Variants in KSR2 observed in about 807,000 individuals in gnomAD.
KSR2 encodes the protein kinase suppressor of ras 2.
A neutral mutation model predicts 107.8 loss-of-function variants in KSR2; 25 were observed. That is an observed-to-expected ratio of 0.23 (90% CI 0.17 to 0.32). KSR2 has a LOEUF of 0.32. KSR2 is among the 10% of genes least tolerant of loss of function. The pLI is 1.00. For synonymous variants in KSR2, 480 were observed against 507.0 expected (o/e 0.95, Z 0.71); for missense variants, 887 against 1,268.9 (o/e 0.70, Z 4.57).
chr12:117,848,834 A>AGTGGTGGTG lies in KSR2; in HGVS notation c.472+6585_472+6593dup, dbSNP rs71099082. Among the ~76,000 whole-genome samples the AGTGGTGGTG allele has an allele frequency of 4.5e-3, 606 of 133,820 alleles. 5 individuals carry two copies. The highest frequency in any genetic ancestry group is 7.6e-3 in the Non-Finnish European group (454 of 59,744). The allele number at this position is 133,820 out of a possible 152,430, so 87.8% of individuals were successfully genotyped here. Reference sequence around the variant, plus strand: ...GATGGTGGTGGGTGGTGATGGTGGTAGTGGTGGTGATGGTGATGATGGTGA... The same window carrying AGTGGTGGTG: ...GATGGTGGTGGGTGGTGATGGTGGTAGTGGTGGTGGTGGTGGTGATGGTGATGATGGTGA... On this transcript the variant is annotated intron_variant, in intron 3 of 19. Coordinates refer to ENST00000339824, the MANE Select transcript of KSR2 (RefSeq NM_173598.6).
chr12:117,520,889 C>A (rs816193), intron 14 of KSR2, among the ~76,000 whole-genome samples: 1 of 151,932 alleles, frequency 6.6e-6, no homozygotes, highest in Admixed American at 6.6e-5. Context: ...CACAACTTGA[C>A]GCTTAGTGCT....
At chr12:117,763,617 A>G (rs1484615264) in intron 3 of KSR2, among the ~76,000 whole-genome samples, 1 of 152,192 alleles carries the variant, frequency 6.6e-6, no homozygotes, top group Non-Finnish European at 1.5e-5. Context: ...GTGACACTCA[A>G]GGAGAGGCTG....
intron 3 of KSR2, among the ~76,000 whole-genome samples, chr12:117,854,633 A>G (rs1048560646): frequency 8.5e-5 from 13 of 152,226 alleles, no homozygotes; most frequent in African/African-American, 2.7e-4. Flanking sequence ...GCTGATGGCC[A>G]CTAACACTTC....
chr12:117,634,910 C>G (rs1343036007), intron 5 of KSR2, among the ~76,000 whole-genome samples: 5 of 152,112 alleles, frequency 3.3e-5, no homozygotes. Flanking sequence ...CAGCCTAAGC[C>G]CACCCAGCAG....
At chr12:117,721,881 C>A (rs1209737107) in intron 4 of KSR2, among the ~76,000 whole-genome samples, 1 of 152,100 alleles carries the variant, frequency 6.6e-6, no homozygotes, top group East Asian at 1.9e-4. Context: ...GATGGGGGAT[C>A]TATTAGTTAG....
intron 1 of KSR2, among the ~76,000 whole-genome samples, chr12:117,963,656 C>G (rs973335735): frequency 6.6e-6 from 1 of 152,070 alleles, no homozygotes; most frequent in Non-Finnish European, 1.5e-5. Flanking sequence ...ATTCCAAAAC[C>G]TTTGAAGACT....
chr12:117,528,340 A>G (rs12822914), intron 12 of KSR2, among the ~76,000 whole-genome samples: 49,694 of 151,932 alleles, frequency 0.33, 8,272 homozygotes, highest in Middle Eastern at 0.4. Flanking sequence ...TGCAGCAGGG[A>G]GACAGAACTG....
chr12:117,766,923 G>A (rs1361511579), intron 3 of KSR2, among the ~76,000 whole-genome samples: 2 of 151,700 alleles, frequency 1.3e-5, no homozygotes, highest in African/African-American at 2.4e-5. Flanking sequence ...TTGCTCTGTC[G>A]CCCAAGTTGG....
intron 4 of KSR2, among the ~76,000 whole-genome samples, chr12:117,690,025 G>A (rs1414126438): frequency 6.6e-6 from 1 of 151,882 alleles, no homozygotes; most frequent in Non-Finnish European, 1.5e-5. Context: ...AAGAGAAGGA[G>A]GGAAGAATGA....
chr12:117,506,900 C>A (rs1427625081), intron 14 of KSR2, among the ~76,000 whole-genome samples: 2 of 151,854 alleles, frequency 1.3e-5, no homozygotes, highest in African/African-American at 2.4e-5. Flanking sequence ...AATAAAAGAT[C>A]CAACCCAGAT....
intron 3 of KSR2, among the ~76,000 whole-genome samples, chr12:117,793,806 GC>G (rs1890420357): frequency 1.1e-5 from 1 of 89,252 alleles, no homozygotes. Flanking sequence ...CATGCAACAT[GC>G]ACACACCAAC....
At chr12:117,942,786 T>C (rs889860271) in intron 1 of KSR2, among the ~76,000 whole-genome samples, 1 of 151,954 alleles carries the variant, frequency 6.6e-6, no homozygotes, top group Non-Finnish European at 1.5e-5. Context: ...AGGCATGAAC[T>C]ACCCCACCCA....
chr12:117,588,373 C>A (rs975664759), intron 5 of KSR2, among the ~76,000 whole-genome samples: 2 of 152,126 alleles, frequency 1.3e-5, no homozygotes, highest in Non-Finnish European at 2.9e-5. Flanking sequence ...AAGGCAAAGC[C>A]AGTTTTAAAA....
intron 7 of KSR2, among the ~76,000 whole-genome samples, chr12:117,575,646 G>C (rs755543357): frequency 3.3e-5 from 5 of 152,202 alleles, no homozygotes; most frequent in Non-Finnish European, 7.3e-5. Context: ...TCATAATTAT[G>C]TACTGGAGAT....
At chr12:117,767,394 T>G (rs112998061) in intron 3 of KSR2, among the ~76,000 whole-genome samples, 38,439 of 133,756 alleles carry the variant, frequency 0.29, 7,599 homozygotes, top group African/African-American at 0.59. Flanking sequence ...CCGAGATCGC[T>G]CCACTGCACT....
intron 5 of KSR2, among the ~76,000 whole-genome samples, chr12:117,590,137 G>A (rs560545819): frequency 1.3e-5 from 2 of 152,368 alleles, no homozygotes; most frequent in East Asian, 1.9e-4. Context: ...AATGGGCAAT[G>A]GCTAAGCTAT....
intron 16 of KSR2, among the ~76,000 whole-genome samples, chr12:117,477,335 T>C (rs1262931822): frequency 2.6e-5 from 4 of 152,230 alleles, no homozygotes; most frequent in African/African-American, 9.6e-5. Context: ...GAGTGTTGAT[T>C]TGGGGGATTA....
At chr12:117,738,650 G>A (rs946803022) in intron 4 of KSR2, among the ~76,000 whole-genome samples, 20 of 152,014 alleles carry the variant, frequency 1.3e-4, no homozygotes, top group Non-Finnish European at 5.9e-5. Context: ...TGAGGCGGGC[G>A]GATTACTTGA....
At chr12:117,471,443 C>A in intron 17 of KSR2, 123 bp from the exon 18 acceptor site, 2 of 1,048,424 alleles carry the variant, frequency 1.9e-6, no homozygotes, top group Non-Finnish European at 1.4e-6. Flanking sequence ...CCACTTTCTT[C>A]CTCATGGGGT....
Sources: gnomAD v4.1 joint callset for allele counts (sites outside exome capture counted in the v4.1 genomes callset) on GRCh38, gnomAD v4.1.1 for gene constraint, MANE v1.5 for transcripts, NCBI Gene and HGNC (gene_info 2026-07-23, HGNC 2026-07-21) for gene names.